The following RNF144A variants were observed in gnomAD, a reference collection of about 807,000 sequenced individuals.
The protein encoded by RNF144A is E3 ubiquitin-protein ligase RNF144A.
RNF144A carries 11 observed loss-of-function variants against 38.7 expected under a neutral mutation model. The ratio of observed to expected loss-of-function variants is 0.28; its 90% CI spans 0.18 to 0.47. The LOEUF is 0.47. Among genes scored for constraint, RNF144A ranks in the 20% least tolerant of loss-of-function variants. The pLI is 0.99. For synonymous variants in RNF144A, 149 were observed against 143.9 expected (o/e 1.04, Z -0.25); for missense variants, 316 against 377.2 (o/e 0.84, Z 1.34).
rs1310948706 is a variant in RNF144A at position 7,020,613 on chromosome 2, G to A, written c.442G>A (p.Ala148Thr). 4 of 1,610,552 alleles carry A rather than the reference G, an allele frequency of 2.5e-6. No homozygotes were observed. The highest frequency in any genetic ancestry group is 3.4e-6 in the Non-Finnish European group (4 of 1,180,012). Residue 148 changes from alanine to threonine, a missense_variant, in exon 6 of 9, where the codon GCC becomes ACC. By Grantham distance (58) the Ala-to-Thr change is moderately conservative. Coordinates refer to ENST00000320892, the MANE Select transcript of RNF144A (RefSeq NM_014746.6). ...CRMEFCSTCK[A>T]SWHPGQGCPE... ...TATGGAATTCTGCTCCACCTGCAAAGCCAGCTGGCACCCTGGCCAGGGCTG... is the reference window on the plus strand; with the variant it reads ...TATGGAATTCTGCTCCACCTGCAAAACCAGCTGGCACCCTGGCCAGGGCTG...
At chr2:7,004,593 G>A (rs777465809) in intron 3 of RNF144A, among the ~76,000 whole-genome samples, 14 of 152,180 alleles carry the variant, frequency 9.2e-5, no homozygotes, top group Non-Finnish European at 1.9e-4. Flanking sequence ...TACAGGAAGC[G>A]CCTTCCTGAG....
intron 1 of RNF144A, among the ~76,000 whole-genome samples, chr2:6,939,363 AT>A (rs1665818132): frequency 6.6e-6 from 1 of 152,134 alleles, no homozygotes; most frequent in Non-Finnish European, 1.5e-5. Flanking sequence ...TCTTGTGCTT[AT>A]TGGCTATTTG....
At chr2:7,010,869 G>A (rs1301865826) in intron 3 of RNF144A, among the ~76,000 whole-genome samples, 1 of 151,884 alleles carries the variant, frequency 6.6e-6, no homozygotes, top group African/African-American at 2.4e-5. Flanking sequence ...GGCCCCATGA[G>A]AGCACGGAGC....
chr2:6,935,422 G>T (rs1432060251), intron 1 of RNF144A, among the ~76,000 whole-genome samples: 101 of 152,098 alleles, frequency 6.6e-4, no homozygotes, highest in Non-Finnish European at 1.0e-4. Flanking sequence ...TCCCTCATTG[G>T]TCGCTCTTCA....
chr2:6,939,941 A>T (rs1279008922), intron 1 of RNF144A, among the ~76,000 whole-genome samples: 2 of 152,186 alleles, frequency 1.3e-5, no homozygotes, highest in Non-Finnish European at 2.9e-5. Flanking sequence ...CTATTACACT[A>T]TCTTGATTAA....
rs75822958 is a variant in RNF144A, at chr2:7,040,612, T to C, written c.*852T>C. 3.8e-3 allele frequency: 3,739 copies of C among 985,460 alleles called. 107 individuals are homozygous for C. The African/African-American group carries it at 0.061, about 16-fold the overall frequency. 61.0% of individuals were successfully genotyped at this position (985,460 alleles called of 1,614,324 possible). ...AGGTAGCAGAAAACGCTTTTTATTG[T>C]ATTCAATCCCACTGCTTTGCTCGGC... On this transcript the variant is annotated 3_prime_UTR_variant, in exon 9 of 9. Transcript: ENST00000320892.
chr2:6,924,765 A>G (rs1200613187), intron 1 of RNF144A, among the ~76,000 whole-genome samples: 2 of 152,208 alleles, frequency 1.3e-5, no homozygotes, highest in Admixed American at 1.3e-4. Context: ...AAGAAGTGCA[A>G]CTGCTAAGTG....
At chr2:7,059,640 A>G (rs1238945187) in intron 6 of RNF144A, among the ~76,000 whole-genome samples, 2 of 152,222 alleles carry the variant, frequency 1.3e-5, no homozygotes, top group Non-Finnish European at 2.9e-5. Flanking sequence ...CTGGAGGCAG[A>G]TAGCTCAAGC....
At chr2:7,025,056 A>C (rs1020609083) in intron 7 of RNF144A, among the ~76,000 whole-genome samples, 1 of 152,160 alleles carries the variant, frequency 6.6e-6, no homozygotes. Flanking sequence ...CACATCATCT[A>C]CAGGGCGGGA....
In RNF144A at chr2:6,941,638, T is replaced by C. The variant is rs143184154; in HGVS notation, c.-12+491T>C. Among the ~76,000 whole-genome samples, 902 of 152,382 alleles carry C rather than the reference T, an allele frequency of 5.9e-3. 8 individuals carry two copies. The highest frequency in any genetic ancestry group is 0.02 in the African/African-American group (840 of 41,588). Reference sequence around the variant, plus strand: ...CAGTAGCCGGAAGCAAATTATATACTATGCAACAAGGCCTAGATATTGTAG... The same window carrying C: ...CAGTAGCCGGAAGCAAATTATATACCATGCAACAAGGCCTAGATATTGTAG... On this transcript the variant is annotated intron_variant, in intron 2 of 8. Transcript: ENST00000320892. The surrounding 1 kb of genome is among the most constrained non-coding windows in gnomAD (Gnocchi z 6.5).
rs183695223 is a variant in RNF144A, at chr2:6,942,186, G to A, written c.-12+1039G>A. Among the ~76,000 whole-genome samples the A allele has an allele frequency of 5.9e-5, 9 of 151,438 alleles. No individual in the cohort carries two copies. In the East Asian group the frequency reaches 1.2e-3, roughly 20 times the overall value. ...GACATTGGAGAGAGTGAAGGATAAG[G>A]GTAGAGTTCAGGAGACCATCTCAGA... On this transcript the variant is annotated intron_variant, in intron 2 of 8. Transcript: ENST00000320892.
Position 6,923,670 on chromosome 2 carries a change from C to T in RNF144A, c.-212+6048C>T, listed in dbSNP as rs116017849. On this transcript the variant is annotated intron_variant, in intron 1 of 8. Transcript: ENST00000320892. ...GCACAGATGAGAAGATGGAGCCGCACGGAGCAGAACTGGGACGGAGTTAAA... is the reference window on the plus strand; with the variant it reads ...GCACAGATGAGAAGATGGAGCCGCATGGAGCAGAACTGGGACGGAGTTAAA... Among the ~76,000 whole-genome samples, 638 of 152,314 alleles carry T rather than the reference C, an allele frequency of 4.2e-3. 4 individuals are homozygous for T. The highest frequency in any genetic ancestry group is 0.015 in the African/African-American group (610 of 41,572).
intron 1 of RNF144A, among the ~76,000 whole-genome samples, chr2:6,921,914 G>T (rs140725158): frequency 1.6e-4 from 25 of 152,294 alleles, no homozygotes; most frequent in African/African-American, 5.3e-4. Context: ...AGCACACAGG[G>T]CCGAGCTCCC....
chr2:7,060,132 A>C (rs1265268070), intron 6 of RNF144A, among the ~76,000 whole-genome samples: 2 of 139,708 alleles, frequency 1.4e-5, no homozygotes, highest in Non-Finnish European at 3.3e-5. Flanking sequence ...ACATAGTTCA[A>C]CTAATTGTGT....
intron 5 of RNF144A, among the ~76,000 whole-genome samples, chr2:7,016,661 C>T (rs943080063): frequency 2.7e-5 from 4 of 150,674 alleles, no homozygotes; most frequent in Non-Finnish European, 4.4e-5. Flanking sequence ...AAAGACCTGT[C>T]TAGATAAAAC....
chr2:7,033,054 C>T (rs1258783935), intron 8 of RNF144A, among the ~76,000 whole-genome samples: 1 of 152,268 alleles, frequency 6.6e-6, no homozygotes, highest in African/African-American at 2.4e-5. Flanking sequence ...AACTCGGAAA[C>T]CATTGCCCAA....
intron 1 of RNF144A, among the ~76,000 whole-genome samples, chr2:6,919,580 G>A (rs1316003699): frequency 6.9e-6 from 1 of 145,614 alleles, no homozygotes; most frequent in African/African-American, 2.5e-5. Context: ...GATTTCCGCG[G>A]TGTTGCGTGG....
chr2:6,921,105 C>A (rs2103266449), intron 1 of RNF144A, among the ~76,000 whole-genome samples: 1 of 152,328 alleles, frequency 6.6e-6, no homozygotes, highest in South Asian at 2.1e-4. Flanking sequence ...TTTTAACTTT[C>A]AGAAGAGTGG....
Position 7,025,835 on chromosome 2 carries a change from T to A in RNF144A, c.657+1319T>A, listed in dbSNP as rs570742380. ...AGCAAGGATGAATGTATCCAGTCCA[T>A]CCAATAATAGTATTAAGCCATTCAG... On this transcript the variant is annotated intron_variant, in intron 7 of 8. Transcript: ENST00000320892. Among the ~76,000 whole-genome samples the A allele has an allele frequency of 1.1e-4, 16 of 152,252 alleles. No individual in the cohort carries two copies. In the East Asian group the frequency reaches 3.1e-3, roughly 29 times the overall value.
Sources: allele counts gnomAD v4.1 joint callset (sites outside exome capture counted in the v4.1 genomes callset), GRCh38; gene constraint gnomAD v4.1.1; non-coding constraint Gnocchi (gnomAD v3.1); transcripts MANE v1.5; gene names NCBI Gene and HGNC (gene_info 2026-07-23, HGNC 2026-07-21).